SUMF1: variants seen among roughly 807,000 people sequenced by gnomAD.
SUMF1 encodes the protein formylglycine-generating enzyme.
SUMF1 carries 48 observed loss-of-function variants against 47.6 expected under a neutral mutation model. The observed-to-expected ratio is 1.01, with a 90% CI of 0.80 to 1.28. The LOEUF is 1.28. Ranked by LOEUF, SUMF1 falls within the 50% of genes most tolerant of loss-of-function variation. The probability of loss-of-function intolerance (pLI) is 0.00; values close to 1 mark genes in which losing one functional copy is unlikely to be tolerated. For missense variants in SUMF1, 571 were observed against 485.4 expected (o/e 1.18, Z -1.66); for synonymous variants, 230 against 192.1 (o/e 1.20, Z -1.63).
intron 8 of SUMF1, among the ~76,000 whole-genome samples, chr3:4,269,147 C>A (rs1014239136): frequency 9.9e-5 from 15 of 152,000 alleles, no homozygotes; most frequent in African/African-American, 3.4e-4. Context: ...TGTGTTTTGG[C>A]TGTCTTTTGA....
chr3:4,416,385 T>A (rs1701712826), intron 6 of SUMF1, among the ~76,000 whole-genome samples: 1 of 152,148 alleles, frequency 6.6e-6, no homozygotes, highest in Non-Finnish European at 1.5e-5. Flanking sequence ...TGAAAGACAA[T>A]GTATTTGTGG....
chr3:4,230,113 G>C (rs928831407), intron 8 of SUMF1, among the ~76,000 whole-genome samples: 14 of 151,740 alleles, frequency 9.2e-5, no homozygotes, highest in African/African-American at 2.7e-4. Context: ...TTACAAATGT[G>C]ACTTGGTCTG....
rs116642288 is a variant in SUMF1 at position 4,091,942 on chromosome 3, C to G, written c.1015-23197G>C. On this transcript the variant is annotated intron_variant and NMD_transcript_variant, in intron 8 of 12. Transcript: ENST00000448413. ...CATTAAGTAATACTTGGACCCCCCT[C>G]AAAGGACAGCTGCAATACATTTAGG... Among the ~76,000 whole-genome samples, 640 of 151,766 alleles carry G rather than the reference C, an allele frequency of 4.2e-3. 3 individuals carry two copies. The highest frequency in any genetic ancestry group is 0.014 in the African/African-American group (586 of 41,358).
intron 8 of SUMF1, among the ~76,000 whole-genome samples, chr3:4,077,770 C>T (rs1279576003): frequency 6.6e-6 from 1 of 151,812 alleles, no homozygotes; most frequent in African/African-American, 2.4e-5. Context: ...CAAACCTGCA[C>T]GTTGTGCACA....
chr3:4,327,139 A>G (rs574738628), intron 8 of SUMF1, among the ~76,000 whole-genome samples: 1 of 152,114 alleles, frequency 6.6e-6, no homozygotes, highest in Non-Finnish European at 1.5e-5. Flanking sequence ...TTTCTTGACC[A>G]AAAAAACACA....
chr3:4,162,750 T>C (rs1694607345), intron 8 of SUMF1, among the ~76,000 whole-genome samples: 1 of 152,128 alleles, frequency 6.6e-6, no homozygotes, highest in Middle Eastern at 3.2e-3. Context: ...CCTCTTTCAG[T>C]GATATGAAGT....
chr3:4,303,437 G>T (rs1698031791), intron 8 of SUMF1: 9 of 1,552,444 alleles, frequency 5.8e-6, no homozygotes, highest in Non-Finnish European at 7.8e-6. Context: ...GAAGCCTGAG[G>T]CCCCGACTGA....
chr3:4,108,556 C>A (rs1230404238), intron 8 of SUMF1, among the ~76,000 whole-genome samples: 1 of 152,038 alleles, frequency 6.6e-6, no homozygotes, highest in Non-Finnish European at 1.5e-5. Flanking sequence ...GTGTGGGAGT[C>A]TAAGTCTCTT....
At position 4,467,201 on chromosome 3, in the gene SUMF1, C is replaced by T. The variant is rs1460272243; in HGVS notation, c.45G>A (p.Glu15=). The change falls in exon 1 of 9, where the codon GAG becomes GAA. Residue 15 remains glutamate, a synonymous_variant. Transcript: ENST00000272902. ...GCAGCAGCAAGAGGACGAGACCCAGCTCAGGGCAACGTCCACACACCAGCC... is the reference window on the plus strand; with the variant it reads ...GCAGCAGCAAGAGGACGAGACCCAGTTCAGGGCAACGTCCACACACCAGCC... ...ALGLVCGRCP[E]LGLVLLLLLL... The T allele has an allele frequency of 1.5e-5, 24 of 1,611,422 alleles. No homozygotes were observed. Among genetic ancestry groups the T allele is most frequent in the Non-Finnish European group, 1.9e-5 (22 of 1,179,284 alleles).
Position 4,065,987 on chromosome 3 carries a change from C to T in SUMF1, c.1191+2582G>A, listed in dbSNP as rs1298326885. 2.0e-5 allele frequency among the ~76,000 whole-genome samples: 3 copies of T among 152,154 alleles called. No individual in the cohort carries two copies. In the East Asian group the frequency reaches 5.8e-4, roughly 29 times the overall value. On this transcript the variant is annotated intron_variant and NMD_transcript_variant, in intron 9 of 12. Coordinates refer to the SUMF1 transcript ENST00000448413. ...GCTGTCTGATCTACTGCTTCTGCCT[C>T]CCTTCCTGCTCCATTGTCTAAACAC...
intron 8 of SUMF1, among the ~76,000 whole-genome samples, chr3:4,093,965 G>C (rs1169715844): frequency 1.3e-5 from 2 of 152,042 alleles, no homozygotes; most frequent in African/African-American, 4.8e-5. Context: ...ATGGGAATTG[G>C]AAAGAGATTC....
chr3:4,106,859 A>G (rs1236665492), intron 8 of SUMF1, among the ~76,000 whole-genome samples: 1 of 152,164 alleles, frequency 6.6e-6, no homozygotes, highest in Non-Finnish European at 1.5e-5. Context: ...AACATAGGCC[A>G]CATTTATTAG....
intron 8 of SUMF1, among the ~76,000 whole-genome samples, chr3:4,201,365 A>G (rs1695536742): frequency 6.6e-6 from 1 of 152,056 alleles, no homozygotes; most frequent in South Asian, 2.1e-4. Context: ...TTTAATTTTT[A>G]GTTCTCATAA....
chr3:4,283,107 A>G (rs1214444490), intron 8 of SUMF1, among the ~76,000 whole-genome samples: 1 of 152,176 alleles, frequency 6.6e-6, no homozygotes, highest in Non-Finnish European at 1.5e-5. Context: ...GAGGATCTTT[A>G]GACTCTTAGA....
chr3:4,289,098 C>T (rs1697691400), intron 8 of SUMF1, among the ~76,000 whole-genome samples: 2 of 152,198 alleles, frequency 1.3e-5, no homozygotes, highest in African/African-American at 4.8e-5. Flanking sequence ...CTATTTTAAA[C>T]CCTATCCCAG....
chr3:4,086,597 C>T (rs959038922), intron 8 of SUMF1, among the ~76,000 whole-genome samples: 4 of 151,994 alleles, frequency 2.6e-5, no homozygotes, highest in Admixed American at 6.6e-5. Flanking sequence ...TGAAGATAAT[C>T]AGATTGCAAG....
intron 8 of SUMF1, among the ~76,000 whole-genome samples, chr3:4,321,457 A>G (rs570453521): frequency 2.7e-5 from 4 of 146,312 alleles, no homozygotes; most frequent in South Asian, 2.2e-4. Flanking sequence ...AGTGCCAGAA[A>G]GTAAGGAAAT....
At chr3:4,246,147 C>A (rs1450858006) in intron 8 of SUMF1, among the ~76,000 whole-genome samples, 1 of 152,178 alleles carries the variant, frequency 6.6e-6, no homozygotes, top group Non-Finnish European at 1.5e-5. Context: ...GTGCACCGTT[C>A]CCCCAGTTAC....
chr3:4,312,964 TG>T (rs1559217417), intron 8 of SUMF1: 1 of 1,613,998 alleles, frequency 6.2e-7, no homozygotes, highest in South Asian at 1.1e-5. Context: ...CTTTCCCGGA[TG>T]CATTTGTGTC....
Sources: gnomAD v4.1 joint callset for allele counts (sites outside exome capture counted in the v4.1 genomes callset) on GRCh38, gnomAD v4.1.1 for gene constraint, MANE v1.5 for transcripts, NCBI Gene and HGNC (gene_info 2026-07-23, HGNC 2026-07-21) for gene names.